CHRM3: variants seen among roughly 807,000 people sequenced by gnomAD.
CHRM3 encodes muscarinic acetylcholine receptor M3.
Under a neutral mutation model 41.8 loss-of-function variants are expected in CHRM3, and 11 were observed. The observed-to-expected ratio is 0.26, with a 90% CI of 0.17 to 0.44. The LOEUF (loss-of-function observed/expected upper bound fraction) is 0.44. CHRM3 is among the 20% of genes least tolerant of loss of function. CHRM3 has a pLI of 1.00. For missense variants in CHRM3, 571 were observed against 745.4 expected (o/e 0.77, Z 2.72); for synonymous variants, 297 against 301.4 (o/e 0.99, Z 0.15).
chr1:239,832,457 A>T (rs1672971130), intron 6 of CHRM3, among the ~76,000 whole-genome samples: 1 of 127,082 alleles, frequency 7.9e-6, no homozygotes, highest in Non-Finnish European at 1.9e-5. Flanking sequence ...TCCTTACTTG[A>T]CCATGCTAAG....
rs200217799 is a variant in CHRM3, at chr1:239,467,902, C to CG, written c.-520-24807_-520-24806insG. Among the ~76,000 whole-genome samples the CG allele has an allele frequency of 6.5e-3, 877 of 134,462 alleles. 7 individuals carry two copies. Among genetic ancestry groups the CG allele is most frequent in the African/African-American group, 0.026 (811 of 31,010 alleles). The allele number at this position is 134,462 out of a possible 152,430, so 88.2% of individuals were successfully genotyped here. A position where few individuals can be genotyped will look rare whatever the true frequency, so the allele number is the denominator to read the frequency against. ...ATTTTCTCCACCAATTTTCCCTACC[C>CG]CCCCCCAACGTTATTCCAAGAGGAA... On this transcript the variant is annotated intron_variant, in intron 1 of 6. Coordinates refer to ENST00000676153, the MANE Select transcript of CHRM3 (RefSeq NM_001375978.1).
At chr1:239,770,208 A>G (rs1230846495) in intron 5 of CHRM3, among the ~76,000 whole-genome samples, 2 of 152,182 alleles carry the variant, frequency 1.3e-5, no homozygotes, top group Non-Finnish European at 2.9e-5. Context: ...TGCTCCTAAA[A>G]TTCACGGGAC....
At chr1:239,404,370 A>AAG (rs1660284979) in intron 1 of CHRM3, among the ~76,000 whole-genome samples, 1 of 65,554 alleles carries the variant, frequency 1.5e-5, no homozygotes, top group Non-Finnish European at 3.0e-5. Context: ...GAAAGAAAGA[A>AAG]AGAAAGAAAG....
intron 5 of CHRM3, among the ~76,000 whole-genome samples, chr1:239,757,005 A>T (rs190076970): frequency 1.2e-3 from 184 of 152,304 alleles, no homozygotes; most frequent in African/African-American, 4.2e-3. Context: ...TACTCTATTT[A>T]GTGGAATTTA....
At chr1:239,762,118 T>TGA (rs1455192741) in intron 5 of CHRM3, among the ~76,000 whole-genome samples, 18 of 152,132 alleles carry the variant, frequency 1.2e-4, no homozygotes, top group Non-Finnish European at 1.8e-4. Context: ...GTTTTGTAGT[T>TGA]GAGGCAATAG....
intron 1 of CHRM3, among the ~76,000 whole-genome samples, chr1:239,408,527 A>AC (rs1660807163): frequency 2.7e-5 from 4 of 148,992 alleles, no homozygotes; most frequent in Non-Finnish European, 5.9e-5. Context: ...CCGTCAAAAA[A>AC]AAAAAAAAAA....
In CHRM3 at chr1:239,643,595, C is replaced by G. The variant is rs201288606; in HGVS notation, c.-250+11309C>G. Among the ~76,000 whole-genome samples the G allele has an allele frequency of 4.6e-4, 70 of 152,296 alleles. No individual in the cohort carries two copies. The East Asian group carries it at 5.0e-3, about 11-fold the overall frequency. On this transcript the variant is annotated intron_variant, in intron 4 of 6. Transcript: ENST00000676153. ...GCCAGGTGCGGGATATAATCTCCTG[C>G]TGTGCCCTTTTTTAAACCCGTCGGA...
intron 1 of CHRM3, among the ~76,000 whole-genome samples, chr1:239,471,951 AT>A (rs891759587): frequency 4.0e-5 from 6 of 149,484 alleles, no homozygotes; most frequent in African/African-American, 1.2e-4. Flanking sequence ...GGACTCGCCA[AT>A]TTTTTTTTTG....
chr1:239,639,237 G>T (rs2148908483), intron 4 of CHRM3, among the ~76,000 whole-genome samples: 1 of 152,232 alleles, frequency 6.6e-6, no homozygotes, highest in Middle Eastern at 3.4e-3. Flanking sequence ...GGATTGACTT[G>T]GTGATGTAGG....
intron 3 of CHRM3, among the ~76,000 whole-genome samples, chr1:239,613,809 G>A (rs538650607): frequency 2.6e-5 from 4 of 151,596 alleles, no homozygotes; most frequent in South Asian, 2.1e-4. Context: ...CACTCAACCC[G>A]CAGTAATGAC....
intron 4 of CHRM3, among the ~76,000 whole-genome samples, chr1:239,632,916 G>A (rs184616395): frequency 3.3e-5 from 5 of 152,244 alleles, no homozygotes; most frequent in East Asian, 1.9e-4. Context: ...CTACATGGCC[G>A]GGAAGGCCTC....
At chr1:239,465,021 C>T (rs1367318707) in intron 1 of CHRM3, among the ~76,000 whole-genome samples, 1 of 152,076 alleles carries the variant, frequency 6.6e-6, no homozygotes, top group Non-Finnish European at 1.5e-5. Context: ...CTGTGCCTCC[C>T]ATTTGATTTA....
intron 1 of CHRM3, among the ~76,000 whole-genome samples, chr1:239,458,887 AC>A (rs3028697): frequency 0.34 from 50,528 of 150,624 alleles, 8,512 homozygotes; most frequent in Middle Eastern, 0.44. Flanking sequence ...GAAATGGGAG[AC>A]CCCCCCCCAT....
At chr1:239,865,979 G>C (rs1442188981) in intron 6 of CHRM3, among the ~76,000 whole-genome samples, 2 of 152,116 alleles carry the variant, frequency 1.3e-5, no homozygotes, top group Admixed American at 6.5e-5. Flanking sequence ...TTTTCAGGGT[G>C]TTCCATGGAG....
chr1:239,830,412 A>G (rs143638720), intron 6 of CHRM3, among the ~76,000 whole-genome samples: 55 of 152,290 alleles, frequency 3.6e-4, no homozygotes, highest in African/African-American at 1.3e-3. Context: ...CATGGATAAG[A>G]GTTGCTTACT....
intron 4 of CHRM3, among the ~76,000 whole-genome samples, chr1:239,643,586 A>T (rs900791702): frequency 6.6e-6 from 1 of 152,154 alleles, no homozygotes; most frequent in Admixed American, 6.5e-5. Flanking sequence ...TGCGGGATAT[A>T]ATCTCCTGCT....
chr1:239,842,709 C>T (rs750114481), intron 6 of CHRM3, among the ~76,000 whole-genome samples: 5 of 152,208 alleles, frequency 3.3e-5, no homozygotes, highest in Admixed American at 6.5e-5. Context: ...GAAGGATCAT[C>T]TAGGTCACCC....
At chr1:239,760,673 C>A (rs904590238) in intron 5 of CHRM3, among the ~76,000 whole-genome samples, 6 of 152,084 alleles carry the variant, frequency 3.9e-5, no homozygotes, top group Non-Finnish European at 8.8e-5. Flanking sequence ...CCTTTGAGTT[C>A]TTTAAAGGGG....
intron 3 of CHRM3, among the ~76,000 whole-genome samples, chr1:239,611,118 A>T (rs1666977530): frequency 6.6e-6 from 1 of 152,154 alleles, no homozygotes; most frequent in African/African-American, 2.4e-5. Flanking sequence ...ATTATAAATC[A>T]TGCCTTAATT....
Sources: allele counts gnomAD v4.1 joint callset (sites outside exome capture counted in the v4.1 genomes callset), GRCh38; gene constraint gnomAD v4.1.1; transcripts MANE v1.5; gene names NCBI Gene and HGNC (gene_info 2026-07-23, HGNC 2026-07-21).